The following GTF3C1 variants were observed in gnomAD, a reference collection of about 807,000 sequenced individuals.
GTF3C1 encodes the protein general transcription factor IIIC subunit 1, also known as general transcription factor 3C polypeptide 1.
GTF3C1 carries 57 observed loss-of-function variants against 226.7 expected under a neutral mutation model. That is an observed-to-expected ratio of 0.25 (90% CI 0.20 to 0.31). The LOEUF is 0.31. Ranked by LOEUF, GTF3C1 falls within the 10% of genes least tolerant of loss-of-function variation. GTF3C1 has a pLI of 1.00. For missense variants in GTF3C1, 2,217 were observed against 2,776.1 expected, an observed-to-expected ratio of 0.80 and a Z score of 4.53; for synonymous variants, 1,090 against 1,084.8, an observed-to-expected ratio of 1.00 and a Z score of -0.09.
chr16:27,493,659 C>A (rs2088266851), intron 16 of GTF3C1, among the ~76,000 whole-genome samples: 1 of 152,220 alleles, frequency 6.6e-6, no homozygotes, highest in Non-Finnish European at 1.5e-5. Context: ...TGCTCCTATC[C>A]TTACCCAAAG....
chr16:27,531,179 TAAGGCTAAAGTTTC>T (rs1261303606), intron 5 of GTF3C1, among the ~76,000 whole-genome samples: 1 of 152,320 alleles, frequency 6.6e-6, no homozygotes, highest in East Asian at 1.9e-4. Flanking sequence ...CAGCAGTGCA[TAAGGCTAAAGTTTC>T]AAGGCTAAAG....
chr16:27,524,133 C>A (rs746083228), intron 6 of GTF3C1, among the ~76,000 whole-genome samples: 1 of 152,178 alleles, frequency 6.6e-6, no homozygotes, highest in Non-Finnish European at 1.5e-5. Context: ...TGAAGCAGGC[C>A]GCAGGCTATA....
At position 27,461,286 on chromosome 16, in the gene GTF3C1, C is replaced by T. The variant is rs1596607942; in HGVS notation, c.*64G>A. The T allele has an allele frequency of 8.2e-6, 9 of 1,097,536 alleles. 1 individual carries two copies. The highest frequency in any genetic ancestry group is 4.2e-5 in the South Asian group (3 of 71,096). The allele number at this position is 1,097,536 out of a possible 1,614,324, so 68.0% of individuals were successfully genotyped here. A position where few individuals can be genotyped will look rare whatever the true frequency, so the allele number is the denominator to read the frequency against. On this transcript the variant is annotated 3_prime_UTR_variant, in exon 37 of 37. Transcript: ENST00000356183. This position sits in a 1 kb window ranked among gnomAD's most constrained non-coding sequence, Gnocchi z 5.3. ...AAGGCCAGGGCACAGTGGGGTCTGC[C>T]GAGCACCAGGCAGGAGTGGTGTGGC...
intron 6 of GTF3C1, among the ~76,000 whole-genome samples, chr16:27,520,969 T>C (rs974154977): frequency 6.6e-6 from 1 of 152,228 alleles, no homozygotes; most frequent in African/African-American, 2.4e-5. Context: ...TCCACCCACC[T>C]GGGCCTGCCA....
chr16:27,502,830 G>A, intron 11 of GTF3C1, 29 bp downstream of exon 11: 1 of 1,513,686 alleles, frequency 6.6e-7, no homozygotes, highest in African/African-American at 1.4e-5. Context: ...AGTGCCAGCA[G>A]ACAGACAGAC....
At chr16:27,549,231 T>C (rs903879953) in intron 1 of GTF3C1, among the ~76,000 whole-genome samples, 1 of 152,132 alleles carries the variant, frequency 6.6e-6, no homozygotes, top group African/African-American at 2.4e-5. Flanking sequence ...TTATCGCTAA[T>C]TGTCCTGATA....
intron 32 of GTF3C1, among the ~76,000 whole-genome samples, chr16:27,466,530 G>A (rs1244221610): frequency 2.0e-5 from 3 of 152,256 alleles, no homozygotes; most frequent in African/African-American, 7.2e-5. Flanking sequence ...TTGAAGTCAG[G>A]CCAGTCAATA....
At position 27,471,997 on chromosome 16, in the gene GTF3C1, G is replaced by T; in HGVS notation, c.4354-77C>A. 1 of 1,312,694 alleles carries T rather than the reference G, an allele frequency of 7.6e-7. No individual in the cohort carries two copies. The highest frequency in any genetic ancestry group is 1.1e-6 in the Non-Finnish European group (1 of 919,676). 81.3% of individuals were successfully genotyped at this position (1,312,694 alleles called of 1,614,324 possible). On this transcript the variant is annotated intron_variant, in intron 29 of 36. Coordinates refer to ENST00000356183, the MANE Select transcript of GTF3C1 (RefSeq NM_001520.4). The surrounding 1 kb of genome is among the most constrained non-coding windows in gnomAD (Gnocchi z 5.0). ...AGGGCTGGGGTATGTGGAGGCAGAG[G>T]CTGCGGCTGATGCTTTATAGAGGAA...
chr16:27,520,619 G>A (rs1161751750), intron 6 of GTF3C1, among the ~76,000 whole-genome samples: 3 of 152,192 alleles, frequency 2.0e-5, no homozygotes, highest in East Asian at 3.8e-4. Flanking sequence ...GGGTTTACAA[G>A]GGTTTAGAAA....
chr16:27,484,607 C>G (rs1168437080), intron 24 of GTF3C1, among the ~76,000 whole-genome samples: 1 of 152,020 alleles, frequency 6.6e-6, no homozygotes, highest in Non-Finnish European at 1.5e-5. Context: ...CCATGTGTGA[C>G]AAAGGTGCCC....
intron 12 of GTF3C1, among the ~76,000 whole-genome samples, chr16:27,499,288 G>A (rs2088369177): frequency 6.6e-6 from 1 of 152,240 alleles, no homozygotes; most frequent in South Asian, 2.1e-4. Flanking sequence ...CAGTTAAGGT[G>A]GTTATCATTT....
intron 6 of GTF3C1, among the ~76,000 whole-genome samples, chr16:27,527,772 C>T (rs1487631826): frequency 3.3e-5 from 5 of 152,088 alleles, no homozygotes; most frequent in South Asian, 2.1e-4. Context: ...AGGGCTGAGG[C>T]GGGTGGATCA....
intron 13 of GTF3C1, 101 bp from the exon 14 acceptor site, chr16:27,497,922 G>C (rs2088344850): frequency 2.0e-6 from 2 of 976,332 alleles, no homozygotes; most frequent in South Asian, 1.8e-5. Context: ...TCTTGGCCTG[G>C]GGGTTTCAAA....
At chr16:27,481,626 C>T (rs988859979) in intron 26 of GTF3C1, among the ~76,000 whole-genome samples, 11 of 152,218 alleles carry the variant, frequency 7.2e-5, no homozygotes, top group Non-Finnish European at 1.3e-4. Flanking sequence ...AATCAATTTC[C>T]TCCTCTATAT....
chr16:27,524,806 T>A (rs992584990), intron 6 of GTF3C1, among the ~76,000 whole-genome samples: 1 of 152,224 alleles, frequency 6.6e-6, no homozygotes, highest in Non-Finnish European at 1.5e-5. Context: ...TAAAAATGAT[T>A]AACAGCTCCA....
chr16:27,549,904 G>C lies in GTF3C1; in HGVS notation c.-14C>G, dbSNP rs766668052. The C allele has an allele frequency of 1.9e-6, 3 of 1,601,416 alleles. No homozygotes were observed. The highest frequency in any genetic ancestry group is 2.6e-6 in the Non-Finnish European group (3 of 1,170,196). ...CAGCGCGTCCATTGCTACTTCAGTC[G>C]GCGGCGCCCGGGGCGCATGCGCAAC... On this transcript the variant is annotated 5_prime_UTR_variant, in exon 1 of 37. Transcript: ENST00000356183.
chr16:27,507,024 C>T lies in GTF3C1; in HGVS notation c.1375G>A (p.Ala459Thr), dbSNP rs2141403615. The T allele has an allele frequency of 6.2e-7, 1 of 1,613,942 alleles. No homozygotes were observed. The stretch of plus-strand genomic sequence containing the variant: ...AGAAGCGACTCCTCCTGCATAGACG[C>T]CAGGCTCACGGTGGTCAAGAGCTCG... ...RSELLTTVSLASMQEESLLPE... is the reference protein window; with the variant it reads ...RSELLTTVSLTSMQEESLLPE... The change falls in exon 9 of 37, where the codon GCG becomes ACG. Residue 459 changes from alanine (A) to threonine (T), a missense_variant. Physicochemically the swap from Ala to Thr is moderately conservative, Grantham distance 58. Transcript: ENST00000356183. This position sits in a 1 kb window ranked among gnomAD's most constrained non-coding sequence, Gnocchi z 4.9.
At position 27,476,543 on chromosome 16, in the gene GTF3C1, C is replaced by T. The variant is rs369511756; in HGVS notation, c.4261G>A (p.Val1421Met). ...AGCACCAGAAAGTGGATGTCATCCACGCTGAAAGAGAGGGGGCAGCAGGGC... is the reference window on the plus strand; with the variant it reads ...AGCACCAGAAAGTGGATGTCATCCATGCTGAAAGAGAGGGGGCAGCAGGGC... ...QTRKEDELNS[V>M]DDIHFLVLQN... The change falls in exon 29 of 37, where the codon GTG (valine) becomes ATG (methionine). Residue 1421 changes from valine to methionine, a missense_variant and splice_region_variant. Val to Met is a conservative substitution (Grantham distance 21, BLOSUM62 1). Around this residue, in one of 12 missense-constraint regions of GTF3C1, gnomAD observed 546 missense variants for 663.0 expected, o/e 0.82. Transcript: ENST00000356183. 26 of 1,595,082 alleles carry T rather than the reference C, an allele frequency of 1.6e-5. No homozygotes were observed. Among genetic ancestry groups the T allele is most frequent in the African/African-American group, 4.0e-5 (3 of 74,580 alleles).
intron 23 of GTF3C1, 67 bp from the exon 24 acceptor site, chr16:27,486,221 G>A: frequency 2.2e-6 from 2 of 901,162 alleles, no homozygotes; most frequent in Non-Finnish European, 3.5e-6. Flanking sequence ...ACTCTGCAGA[G>A]GGGCAGGTTC....
Sources: allele counts gnomAD v4.1 joint callset (sites outside exome capture counted in the v4.1 genomes callset), GRCh38; gene constraint gnomAD v4.1.1; regional missense constraint gnomAD v4.1.1; non-coding constraint Gnocchi (gnomAD v3.1); transcripts MANE v1.5; gene names NCBI Gene and HGNC (gene_info 2026-07-23, HGNC 2026-07-21).